Variants in DEUP1 observed in about 807,000 individuals in gnomAD.
The protein encoded by DEUP1 is coiled-coil domain containing 67.
A neutral mutation model predicts 87.4 loss-of-function variants in DEUP1; 82 were observed. The ratio of observed to expected loss-of-function variants is 0.94; its 90% CI spans 0.78 to 1.13. DEUP1 has a LOEUF of 1.13. DEUP1 is among the 50% of genes most tolerant of loss of function. The pLI is 0.00. For synonymous variants in DEUP1, 214 were observed against 222.7 expected (o/e 0.96, Z 0.35); for missense variants, 663 against 681.5 (o/e 0.97, Z 0.30).
intron 11 of DEUP1, among the ~76,000 whole-genome samples, chr11:93,402,134 T>C (rs1226395720): frequency 2.0e-5 from 3 of 151,662 alleles, no homozygotes; most frequent in East Asian, 1.9e-4. Context: ...AACCAAAATA[T>C]ATAAGGAGCT....
At position 93,383,378 on chromosome 11, in the gene DEUP1, G is replaced by C. The variant is rs905938604; in HGVS notation, c.790-2020G>C. 58 of 402,194 alleles carry C rather than the reference G, an allele frequency of 1.4e-4. No individual in the cohort carries two copies. In the Middle Eastern group the frequency reaches 1.5e-3, roughly 10 times the overall value. 24.9% of individuals were successfully genotyped at this position (402,194 alleles called of 1,614,324 possible). A position where few individuals can be genotyped will look rare whatever the true frequency, so the allele number is the denominator to read the frequency against. On this transcript the variant is annotated intron_variant, in intron 7 of 13. Transcript: ENST00000298050. ...GAGGGCAGTCACAAAAGGCCACATAGTGTATGACACCATTTGTATGAAACA... is the reference window on the plus strand; with the variant it reads ...GAGGGCAGTCACAAAAGGCCACATACTGTATGACACCATTTGTATGAAACA...
rs558510965 is a variant in DEUP1 at position 93,355,277 on chromosome 11, A to C, written c.30-94A>C. The C allele has an allele frequency of 2.3e-4, 246 of 1,070,354 alleles. 4 individuals are homozygous for C. In the South Asian group the frequency reaches 3.5e-3, roughly 15 times the overall value. 66.3% of individuals were successfully genotyped at this position (1,070,354 alleles called of 1,614,324 possible). The stretch of plus-strand genomic sequence containing the variant: ...TTTAAATAATTGAACAATTTCAGGA[A>C]ATAATGTTCAAGCTATGCAGAGCAA... On this transcript the variant is annotated intron_variant, in intron 2 of 13. Transcript: ENST00000298050.
intron 2 of DEUP1, among the ~76,000 whole-genome samples, chr11:93,335,944 G>T (rs61318454): frequency 6.6e-6 from 1 of 151,956 alleles, no homozygotes; most frequent in Non-Finnish European, 1.5e-5. Context: ...GAGAAACCCC[G>T]TCTCTACTAA....
chr11:93,384,204 G>C (rs1456238), intron 7 of DEUP1, among the ~76,000 whole-genome samples: 121,852 of 152,072 alleles, frequency 0.8, 48,922 homozygotes, highest in East Asian at 0.89. Context: ...TTCTTTCATT[G>C]CCATTGTAAG....
intron 9 of DEUP1, among the ~76,000 whole-genome samples, chr11:93,391,118 A>G (rs530864089): frequency 1.3e-5 from 2 of 151,160 alleles, no homozygotes; most frequent in East Asian, 3.9e-4. Context: ...GTGTTTCTGA[A>G]GAGCATTTTA....
chr11:93,433,521 A>AAATCAATC (rs536059370), intron 13 of DEUP1, among the ~76,000 whole-genome samples: 1 of 152,164 alleles, frequency 6.6e-6, no homozygotes, highest in Non-Finnish European at 1.5e-5. Context: ...CACTGTCTCT[A>AAATCAATC]AATCAATCAA....
chr11:93,337,232 TTAAAG>T (rs1943812114), intron 2 of DEUP1, among the ~76,000 whole-genome samples: 1 of 152,212 alleles, frequency 6.6e-6, no homozygotes, highest in Non-Finnish European at 1.5e-5. Context: ...TTCTTAACCC[TTAAAG>T]TATTCTTTCC....
At chr11:93,338,135 C>A (rs1297402581) in intron 2 of DEUP1, among the ~76,000 whole-genome samples, 1 of 152,078 alleles carries the variant, frequency 6.6e-6, no homozygotes, top group Non-Finnish European at 1.5e-5. Flanking sequence ...GAAGCAGTCT[C>A]ATTGGACAGC....
intron 11 of DEUP1, among the ~76,000 whole-genome samples, chr11:93,397,247 T>C (rs1008778531): frequency 1.3e-5 from 2 of 152,180 alleles, no homozygotes; most frequent in South Asian, 2.1e-4. Context: ...CTCATAATGG[T>C]CCATATTCTA....
At chr11:93,359,847 G>A (rs549680895) in intron 4 of DEUP1, among the ~76,000 whole-genome samples, 1 of 152,306 alleles carries the variant, frequency 6.6e-6, no homozygotes, top group East Asian at 1.9e-4. Flanking sequence ...TCACTAAGCT[G>A]TAACAAGGTA....
chr11:93,403,415 G>A (rs1421182241), intron 11 of DEUP1, among the ~76,000 whole-genome samples: 1 of 151,680 alleles, frequency 6.6e-6, no homozygotes, highest in Non-Finnish European at 1.5e-5. Flanking sequence ...GTACTTTGTA[G>A]GTTATTTCAG....
At chr11:93,393,662 A>G (rs1946840916) in intron 9 of DEUP1, among the ~76,000 whole-genome samples, 1 of 152,162 alleles carries the variant, frequency 6.6e-6, no homozygotes, top group South Asian at 2.1e-4. Flanking sequence ...CCAATGGACT[A>G]TGATTTTTTT....
At chr11:93,419,001 G>T (rs199903949) in intron 13 of DEUP1, among the ~76,000 whole-genome samples, 9 of 150,220 alleles carry the variant, frequency 6.0e-5, no homozygotes, top group Admixed American at 2.0e-4. Context: ...ATGGACACAG[G>T]AAGGGGAACA....
intron 10 of DEUP1, 122 bp from the exon 11 acceptor site, chr11:93,396,117 T>C: frequency 4.5e-6 from 3 of 673,290 alleles, no homozygotes; most frequent in Non-Finnish European, 7.9e-6. Context: ...TTATTGGTCG[T>C]ACCGAAGAAG....
chr11:93,365,482 A>C (rs1004675957), intron 5 of DEUP1, among the ~76,000 whole-genome samples: 5 of 152,140 alleles, frequency 3.3e-5, no homozygotes, highest in African/African-American at 1.2e-4. Flanking sequence ...TGTAATATAC[A>C]TGTGCTTTCA....
intron 4 of DEUP1, among the ~76,000 whole-genome samples, chr11:93,361,871 A>AACTAT (rs1945192284): frequency 6.6e-6 from 1 of 152,072 alleles, no homozygotes; most frequent in Non-Finnish European, 1.5e-5. Flanking sequence ...CTTCAAATAT[A>AACTAT]ACTATATAGG....
intron 11 of DEUP1, among the ~76,000 whole-genome samples, chr11:93,401,664 C>T (rs930293455): frequency 2.0e-5 from 3 of 151,496 alleles, no homozygotes; most frequent in Admixed American, 1.3e-4. Context: ...AATTAATCTT[C>T]GATAACCACA....
intron 5 of DEUP1, among the ~76,000 whole-genome samples, chr11:93,368,144 T>G (rs376045394): frequency 9.2e-5 from 14 of 152,248 alleles, no homozygotes; most frequent in African/African-American, 3.4e-4. Flanking sequence ...GAACTGATCC[T>G]GCTTTATCAA....
At chr11:93,410,905 T>A (rs987713940) in intron 12 of DEUP1, among the ~76,000 whole-genome samples, 21 of 152,364 alleles carry the variant, frequency 1.4e-4, no homozygotes, top group African/African-American at 5.1e-4. Flanking sequence ...TAGGCTGCTA[T>A]TCCTGCTGCA....
Sources: gnomAD v4.1 joint callset for allele counts (sites outside exome capture counted in the v4.1 genomes callset) on GRCh38, gnomAD v4.1.1 for gene constraint, MANE v1.5 for transcripts, NCBI Gene and HGNC (gene_info 2026-07-23, HGNC 2026-07-21) for gene names.